The following SLIT2 variants were observed in gnomAD, a reference collection of about 807,000 sequenced individuals.
SLIT2 encodes slit guidance ligand 2.
In SLIT2, 41 loss-of-function variants were observed where a neutral mutation model predicts 185.7. That is an observed-to-expected ratio of 0.22 (90% CI 0.17 to 0.29). The LOEUF (loss-of-function observed/expected upper bound fraction) is 0.29, where lower values mean the gene tolerates loss of function less well. SLIT2 is among the 10% of genes least tolerant of loss of function. The pLI is 1.00. For synonymous variants in SLIT2, 693 were observed against 680.2 expected (o/e 1.02, Z -0.29); for missense variants, 1,571 against 1,909.0 (o/e 0.82, Z 3.30).
At chr4:20,298,934 T>A (rs1040149012) in intron 4 of SLIT2, among the ~76,000 whole-genome samples, 1 of 152,344 alleles carries the variant, frequency 6.6e-6, no homozygotes, top group Admixed American at 6.5e-5. Flanking sequence ...AAATTGGGGA[T>A]TGTAATTTAT....
At chr4:20,340,132 A>G (rs919156550) in intron 4 of SLIT2, among the ~76,000 whole-genome samples, 2 of 152,132 alleles carry the variant, frequency 1.3e-5, no homozygotes, top group Non-Finnish European at 2.9e-5. Context: ...GTAGGTGTAT[A>G]TTTTTATGGG....
rs979789288 is a variant in SLIT2 at position 20,606,029 on chromosome 4, G to A, written c.3693-3984G>A. ...CTCCCAAAGTGCTAGGATTACAGGC[G>A]TGAGCCACCACGCCTGGCCCACTGC... is the stretch of plus-strand genomic sequence containing the variant. On this transcript the variant is annotated intron_variant, in intron 33 of 36. Transcript: ENST00000504154. Among the ~76,000 whole-genome samples the A allele has an allele frequency of 6.6e-5, 10 of 152,094 alleles. 1 individual carries two copies. The highest frequency in any genetic ancestry group is 1.7e-4 in the African/African-American group (7 of 41,508).
Position 20,567,316 on chromosome 4 carries a change from G to C in SLIT2, c.2780G>C (p.Cys927Ser), listed in dbSNP as rs1278321509. Residue 927 changes from cysteine (C) to serine (S), a missense_variant, in exon 27 of 37, where the codon TGT becomes TCT. Physicochemically the swap from Cys to Ser is moderately radical, Grantham distance 112. Coordinates refer to ENST00000504154, the MANE Select transcript of SLIT2 (RefSeq NM_004787.4). ...TGTAACCCCTGCCTATCAAATCCGT[G>C]TAAAAATGATGGCACATGTAATAGT... ...AKCNPCLSNPCKNDGTCNSDP... is the reference protein window; with the variant it reads ...AKCNPCLSNPSKNDGTCNSDP... 6.2e-7 allele frequency: 1 copy of C among 1,612,680 alleles called. No individual in the cohort carries two copies. Among genetic ancestry groups the C allele is most frequent in the African/African-American group, 1.3e-5 (1 of 74,806 alleles).
intron 9 of SLIT2, among the ~76,000 whole-genome samples, chr4:20,499,441 T>G (rs972794766): frequency 1.3e-5 from 2 of 152,200 alleles, no homozygotes; most frequent in Non-Finnish European, 2.9e-5. Flanking sequence ...TATTAAATAA[T>G]ACTCAATTTT....
At chr4:20,349,250 G>A (rs114793388) in intron 4 of SLIT2, among the ~76,000 whole-genome samples, 4 of 152,144 alleles carry the variant, frequency 2.6e-5, no homozygotes, top group Non-Finnish European at 5.9e-5. Flanking sequence ...TAAGATTTAC[G>A]TCCTTACTAT....
chr4:20,558,610 C>T (rs1724452463), intron 26 of SLIT2, among the ~76,000 whole-genome samples: 1 of 152,042 alleles, frequency 6.6e-6, no homozygotes, highest in Non-Finnish European at 1.5e-5. Flanking sequence ...CCCACAATAT[C>T]TCCAAGGTCT....
intron 32 of SLIT2, among the ~76,000 whole-genome samples, chr4:20,597,549 C>G (rs1728085086): frequency 6.6e-6 from 1 of 152,128 alleles, no homozygotes; most frequent in Non-Finnish European, 1.5e-5. Flanking sequence ...CAAATTATGT[C>G]TACATATTTG....
intron 3 of SLIT2, among the ~76,000 whole-genome samples, chr4:20,267,256 A>C (rs1406860716): frequency 1.3e-5 from 2 of 152,022 alleles, no homozygotes; most frequent in Non-Finnish European, 2.9e-5. Context: ...TTTTGATTTG[A>C]CTTTAAATTT....
chr4:20,424,983 G>A (rs1728441286), intron 4 of SLIT2, among the ~76,000 whole-genome samples: 1 of 152,020 alleles, frequency 6.6e-6, no homozygotes, highest in Non-Finnish European at 1.5e-5. Context: ...TCAGTTGATT[G>A]ATAAGGCATA....
intron 4 of SLIT2, among the ~76,000 whole-genome samples, chr4:20,354,662 G>A (rs1259446229): frequency 6.6e-6 from 1 of 152,086 alleles, no homozygotes; most frequent in African/African-American, 2.4e-5. Flanking sequence ...AATGAGCACA[G>A]CATGCTATAA....
chr4:20,550,863 A>T lies in SLIT2; in HGVS notation c.2526A>T (p.Glu842Asp), dbSNP rs780736229. The T allele has an allele frequency of 2.5e-6, 4 of 1,609,152 alleles. No individual in the cohort carries two copies. Among genetic ancestry groups the T allele is most frequent in the Non-Finnish European group, 3.4e-6 (4 of 1,176,468 alleles). The change falls in exon 25 of 37, where the codon GAA (glutamate) becomes GAT (aspartate). Residue 842 changes from glutamate (E) to aspartate (D), a missense_variant. Physicochemically the swap from Glu to Asp is conservative, Grantham distance 45 (BLOSUM62 2). Around this residue, in one of 3 missense-constraint regions of SLIT2, gnomAD observed 1,202 missense variants for 1,416.4 expected, o/e 0.85. Transcript: ENST00000504154. Reference sequence around the variant, plus strand: ...GAAATGACATTTCTGTTGTGCCTGAAGGTGCTTTCAATGATCTTTCTGCAT... The same window carrying T: ...GAAATGACATTTCTGTTGTGCCTGATGGTGCTTTCAATGATCTTTCTGCAT... ...LHGNDISVVP[E>D]GAFNDLSALS...
intron 4 of SLIT2, among the ~76,000 whole-genome samples, chr4:20,275,193 T>G (rs969119547): frequency 2.6e-5 from 4 of 152,156 alleles, no homozygotes; most frequent in African/African-American, 9.7e-5. Flanking sequence ...AATTTTAATG[T>G]ATTTGCTTTA....
In SLIT2 at chr4:20,480,994, G is replaced by C. The variant is rs540868299; in HGVS notation, c.539+207G>C. Among the ~76,000 whole-genome samples, 3 of 152,082 alleles carry C rather than the reference G, an allele frequency of 2.0e-5. No homozygotes were observed. The East Asian group carries it at 5.8e-4, about 29-fold the overall frequency. ...CATATCTGTATATTTAGGTAAAATTGTGTAAGGTCACTCAAATGTTCTCCT... is the reference window on the plus strand; with the variant it reads ...CATATCTGTATATTTAGGTAAAATTCTGTAAGGTCACTCAAATGTTCTCCT... On this transcript the variant is annotated intron_variant, in intron 6 of 36. Coordinates refer to ENST00000504154, the MANE Select transcript of SLIT2 (RefSeq NM_004787.4).
chr4:20,363,800 G>A (rs906516798), intron 4 of SLIT2, among the ~76,000 whole-genome samples: 4 of 152,016 alleles, frequency 2.6e-5, no homozygotes, highest in African/African-American at 9.7e-5. Flanking sequence ...ATAAAATCTA[G>A]GCAGCATGTA....
chr4:20,371,341 C>A (rs556942273), intron 4 of SLIT2, among the ~76,000 whole-genome samples: 1 of 151,912 alleles, frequency 6.6e-6, no homozygotes, highest in Non-Finnish European at 1.5e-5. Context: ...TACCACTCCA[C>A]CACACACACA....
chr4:20,349,991 C>G (rs1303544405), intron 4 of SLIT2, among the ~76,000 whole-genome samples: 1 of 152,122 alleles, frequency 6.6e-6, no homozygotes, highest in African/African-American at 2.4e-5. Context: ...GTAACTCATC[C>G]TAGTATTTGC....
At position 20,502,136 on chromosome 4, in the gene SLIT2, A is replaced by G. The variant is rs1718798827; in HGVS notation, c.915-8359A>G. On this transcript the variant is annotated intron_variant, in intron 9 of 36. Transcript: ENST00000504154. Reference sequence around the variant, plus strand: ...CAGAAAACTATATAATGCCTTTCTCAAAAGAAAAATGTAGAAGATAGAATC... The same window carrying G: ...CAGAAAACTATATAATGCCTTTCTCGAAAGAAAAATGTAGAAGATAGAATC... Among the ~76,000 whole-genome samples, 3 of 152,354 alleles carry G rather than the reference A, an allele frequency of 2.0e-5. No homozygotes were observed. The South Asian group carries it at 6.2e-4, about 32-fold the overall frequency.
chr4:20,319,432 A>T (rs956631790), intron 4 of SLIT2, among the ~76,000 whole-genome samples: 6 of 152,218 alleles, frequency 3.9e-5, no homozygotes, highest in Non-Finnish European at 8.8e-5. Flanking sequence ...AACAATTATT[A>T]TAAAACTAAA....
intron 4 of SLIT2, among the ~76,000 whole-genome samples, chr4:20,316,023 C>T (rs866838331): frequency 2.0e-5 from 3 of 151,974 alleles, no homozygotes; most frequent in African/African-American, 7.2e-5. Context: ...GATAGTAATA[C>T]TCCACAATAA....
Sources: gnomAD v4.1 joint callset for allele counts (sites outside exome capture counted in the v4.1 genomes callset) on GRCh38, gnomAD v4.1.1 for gene constraint, gnomAD v4.1.1 regional missense constraint, MANE v1.5 for transcripts, NCBI Gene and HGNC (gene_info 2026-07-23, HGNC 2026-07-21) for gene names.